The following TPM1 variants were observed in gnomAD, a reference collection of about 807,000 sequenced individuals.
TPM1 encodes the protein tropomyosin 1.
TPM1 carries 24 observed loss-of-function variants against 42.9 expected under a neutral mutation model. The ratio of observed to expected loss-of-function variants is 0.56; its 90% confidence interval spans 0.41 to 0.79. The LOEUF is 0.79. Ranked by LOEUF, TPM1 falls within the 30% of genes least tolerant of loss-of-function variation. The probability of loss-of-function intolerance (pLI) is 0.00; values close to 1 mark genes in which losing one functional copy is unlikely to be tolerated. For missense variants in TPM1, 158 were observed against 351.8 expected (o/e 0.45, Z 4.41); for synonymous variants, 136 against 130.1 (o/e 1.05, Z -0.31).
chr15:63,060,144 GT>G (rs2035418905), intron 4 of TPM1, among the ~76,000 whole-genome samples: 1 of 152,152 alleles, frequency 6.6e-6, no homozygotes, highest in African/African-American at 2.4e-5. Context: ...ATCAACGCAG[GT>G]TTTCAGCAGA....
At chr15:63,061,152 A>G (rs760073736) in intron 5 of TPM1, 15 of 1,598,426 alleles carry the variant, frequency 9.4e-6, no homozygotes, top group Middle Eastern at 1.6e-4. Flanking sequence ...TTACCTGCAC[A>G]CTGATTTTGT....
intron 1 of TPM1, chr15:63,043,619 G>T: frequency 6.5e-7 from 1 of 1,530,406 alleles, no homozygotes; most frequent in Non-Finnish European, 8.7e-7. Context: ...AGCCCGAGGG[G>T]CCCCAGCCAA....
At chr15:63,048,059 G>A (rs1000570654) in intron 2 of TPM1, 124 of 346,768 alleles carry the variant, frequency 3.6e-4, no homozygotes, top group South Asian at 1.9e-3. Context: ...GGCATATTCC[G>A]GCTCCAGACC....
At chr15:63,059,782 T>C (rs547391580) in intron 4 of TPM1, 102 bp downstream of exon 4, 30 of 830,182 alleles carry the variant, frequency 3.6e-5, no homozygotes, top group South Asian at 3.5e-4. Context: ...CCATCTGCTT[T>C]GTTGGCAGAA....
intron 9 of TPM1, chr15:63,065,301 C>T (rs2036156234): frequency 1.0e-6 from 1 of 989,100 alleles, no homozygotes; most frequent in Non-Finnish European, 1.2e-6. Flanking sequence ...CAGAGTTCTT[C>T]ATTCTAATAT....
At chr15:63,070,187 T>C, downstream of TPM1, 1 of 1,296,810 alleles carries the variant, frequency 7.7e-7, no homozygotes, top group Non-Finnish European at 9.9e-7. Flanking sequence ...TCAGCACTGC[T>C]CCTTGAAATA....
chr15:63,049,801 C>T (rs2033450465), intron 2 of TPM1, among the ~76,000 whole-genome samples: 1 of 152,170 alleles, frequency 6.6e-6, no homozygotes, highest in African/African-American at 2.4e-5. Flanking sequence ...AATTAATAGG[C>T]AAAAGATAAT....
chr15:63,051,359 G>A (rs2033821194), intron 2 of TPM1, among the ~76,000 whole-genome samples: 1 of 152,194 alleles, frequency 6.6e-6, no homozygotes, highest in Admixed American at 6.5e-5. Context: ...GCTGTTAACT[G>A]GAATGTATAC....
intron 2 of TPM1, among the ~76,000 whole-genome samples, chr15:63,052,055 C>G (rs1170423897): frequency 1.3e-5 from 2 of 152,070 alleles, no homozygotes; most frequent in Admixed American, 6.5e-5. Context: ...GTACAGAGCA[C>G]CAGGAAGTTA....
chr15:63,048,636 G>A, intron 2 of TPM1: 12 of 1,537,048 alleles, frequency 7.8e-6, no homozygotes, highest in Non-Finnish European at 1.1e-5. Flanking sequence ...GCAGGAGCAG[G>A]CGGACGCCGC....
chr15:63,051,528 T>C (rs2033866050), intron 2 of TPM1, among the ~76,000 whole-genome samples: 1 of 151,848 alleles, frequency 6.6e-6, no homozygotes, highest in Admixed American at 6.5e-5. Flanking sequence ...CCCCTTAATG[T>C]CATCAGTGTT....
At chr15:63,043,923 G>C in intron 1 of TPM1, 104 bp from the exon 2 acceptor site, 3 of 1,555,224 alleles carry the variant, frequency 1.9e-6, no homozygotes, top group Non-Finnish European at 2.6e-6. Flanking sequence ...TGTCTCTCCC[G>C]CTGTCCCTGT....
Position 63,057,017 on chromosome 15 carries a change from C to G in TPM1, c.273C>G (p.Arg91=). 1.2e-6 allele frequency: 2 copies of G among 1,614,246 alleles called. No individual in the cohort carries two copies. The highest frequency in any genetic ancestry group is 2.2e-5 in the East Asian group (1 of 44,884). The change falls in exon 3 of 10, where the codon CGC becomes CGG. Residue 91 remains arginine (R), a synonymous_variant. Transcript: ENST00000403994. ...AEADVASLNR[R]IQLVEEELDR... ...CCGACGTAGCTTCTCTGAACAGACG[C>G]ATCCAGCTGGTTGAGGAAGAGTTGG...
chr15:63,060,804 C>T (rs1048624735), intron 4 of TPM1, 65 bp from the exon 5 acceptor site: 6 of 1,568,832 alleles, frequency 3.8e-6, no homozygotes, highest in African/African-American at 2.7e-5. Context: ...TCTCTACCCC[C>T]ATGCCCTTCT....
At chr15:63,066,226 CTA>C, downstream of TPM1, 1 of 1,301,514 alleles carries the variant, frequency 7.7e-7, no homozygotes, top group Non-Finnish European at 9.8e-7. Context: ...ATACTGAACA[CTA>C]TACAGAATTA....
At chr15:63,054,685 A>G (rs1286530813) in intron 2 of TPM1, 1 of 152,240 alleles carries the variant, frequency 6.6e-6, no homozygotes, top group Non-Finnish European at 1.5e-5. Context: ...CATTTCTCTA[A>G]TAGGCCATAG....
chr15:63,056,225 T>C (rs1374165503), intron 2 of TPM1: 1 of 152,288 alleles, frequency 6.6e-6, no homozygotes, highest in Non-Finnish European at 1.5e-5. Context: ...AGTGAAACTC[T>C]TGAGTCCGAT....
chr15:63,066,304 C>T (rs1377187799), downstream of TPM1: 5 of 636,890 alleles, frequency 7.9e-6, no homozygotes, highest in East Asian at 4.4e-4. Context: ...CCTGCATTCC[C>T]TCTCAGAGTT....
At chr15:63,070,479 C>T, downstream of TPM1, 4 of 994,942 alleles carry the variant, frequency 4.0e-6, no homozygotes, top group Non-Finnish European at 3.6e-6. Flanking sequence ...GTATGCTTTA[C>T]TCAGTCTAAT....
Sources: gnomAD v4.1 joint callset for allele counts (sites outside exome capture counted in the v4.1 genomes callset) on GRCh38, gnomAD v4.1.1 for gene constraint, MANE v1.5 for transcripts, NCBI Gene and HGNC (gene_info 2026-07-23, HGNC 2026-07-21) for gene names.